The following CRACD variants were observed in gnomAD, a reference collection of about 807,000 sequenced individuals.
The protein encoded by CRACD is capping protein inhibiting regulator of actin dynamics.
A neutral mutation model predicts 106.8 loss-of-function variants in CRACD; 56 were observed. The observed-to-expected ratio is 0.52, with a 90% CI of 0.42 to 0.66. CRACD has a LOEUF of 0.66. CRACD is among the 30% of genes least tolerant of loss of function. The probability of loss-of-function intolerance (pLI) is 0.00; values close to 1 mark genes in which losing one functional copy is unlikely to be tolerated. For missense variants in CRACD, 1,730 were observed against 1,623.2 expected, an observed-to-expected ratio of 1.07 and a Z score of -1.13; for synonymous variants, 754 against 670.8, an observed-to-expected ratio of 1.12 and a Z score of -1.92.
At chr4:56,283,765 T>C (rs548930838) in intron 3 of CRACD, among the ~76,000 whole-genome samples, 1 of 152,332 alleles carries the variant, frequency 6.6e-6, no homozygotes, top group East Asian at 1.9e-4. Flanking sequence ...GAGCCTCAAC[T>C]GTACTTCTAG....
intron 3 of CRACD, among the ~76,000 whole-genome samples, chr4:56,293,387 C>A (rs1317276017): frequency 6.6e-6 from 1 of 152,156 alleles, no homozygotes; most frequent in Non-Finnish European, 1.5e-5. Flanking sequence ...GAAGCTCACA[C>A]CCTGCTACAC....
At chr4:56,288,851 A>G (rs1743532102) in intron 3 of CRACD, among the ~76,000 whole-genome samples, 1 of 152,236 alleles carries the variant, frequency 6.6e-6, no homozygotes, top group African/African-American at 2.4e-5. Flanking sequence ...GCTACTTACA[A>G]TAGCCAAAAA....
At position 56,094,091 on chromosome 4, in the gene CRACD, A is replaced by G. The variant is rs141959073; in HGVS notation, c.-336+44792A>G. The stretch of plus-strand genomic sequence containing the variant: ...AATTCAAGTCATATTGATTGAGTCC[A>G]ATGTTAGAAAAAATGTTTTACTGTT... On this transcript the variant is annotated intron_variant, in intron 1 of 10. Transcript: ENST00000682029. Among the ~76,000 whole-genome samples, 340 of 152,364 alleles carry G rather than the reference A, an allele frequency of 2.2e-3. 1 individual carries two copies. Among genetic ancestry groups the G allele is most frequent in the Middle Eastern group, 0.01 (3 of 294 alleles).
intron 1 of CRACD, among the ~76,000 whole-genome samples, chr4:56,081,871 G>A (rs1260392653): frequency 6.6e-6 from 1 of 152,136 alleles, no homozygotes; most frequent in Non-Finnish European, 1.5e-5. Flanking sequence ...AGCTACTTGG[G>A]AGGCTGAGGC....
At chr4:56,274,989 A>T (rs768210338) in intron 3 of CRACD, among the ~76,000 whole-genome samples, 1 of 152,222 alleles carries the variant, frequency 6.6e-6, no homozygotes, top group Non-Finnish European at 1.5e-5. Context: ...AGGAACATGG[A>T]TGGAGCTGGA....
Position 56,324,462 on chromosome 4 carries a change from A to G in CRACD, c.3541+196A>G, listed in dbSNP as rs544016727. 2.6e-5 allele frequency among the ~76,000 whole-genome samples: 4 copies of G among 152,318 alleles called. No homozygotes were observed. In the East Asian group the frequency reaches 5.8e-4, roughly 22 times the overall value. On this transcript the variant is annotated intron_variant, in intron 10 of 10. Transcript: ENST00000682029. ...GACCACCAGGAGCTCACCCACTATCAGTGGTGTGTTGGTGAATATTTAACA... is the reference window on the plus strand; with the variant it reads ...GACCACCAGGAGCTCACCCACTATCGGTGGTGTGTTGGTGAATATTTAACA...
chr4:56,309,624 T>C (rs1744992379), intron 5 of CRACD, among the ~76,000 whole-genome samples: 1 of 151,904 alleles, frequency 6.6e-6, no homozygotes, highest in Admixed American at 6.6e-5. Flanking sequence ...GAGGCCGAGG[T>C]GGGCGGGTCA....
At chr4:56,168,663 C>CTA (rs968630957) in intron 1 of CRACD, among the ~76,000 whole-genome samples, 36 of 148,864 alleles carry the variant, frequency 2.4e-4, no homozygotes, top group Non-Finnish European at 4.5e-4. Context: ...GCATATTCAA[C>CTA]TATATATATA....
intron 3 of CRACD, among the ~76,000 whole-genome samples, chr4:56,296,988 T>G (rs954157497): frequency 4.0e-5 from 6 of 151,636 alleles, no homozygotes; most frequent in Non-Finnish European, 8.8e-5. Context: ...GGCGCAATCT[T>G]GGCTCACTGC....
chr4:56,152,559 T>C (rs28651699), intron 1 of CRACD, among the ~76,000 whole-genome samples: 43,566 of 151,646 alleles, frequency 0.29, 6,529 homozygotes, highest in South Asian at 0.33. Context: ...AGAATCTCTC[T>C]TTCTCTCTTT....
At chr4:56,261,682 C>T (rs6554340) in intron 2 of CRACD, among the ~76,000 whole-genome samples, 1 of 151,822 alleles carries the variant, frequency 6.6e-6, no homozygotes, top group African/African-American at 2.4e-5. Flanking sequence ...TATTTTATTT[C>T]TCCTGTGAAC....
chr4:56,145,759 A>C (rs1735357066), intron 1 of CRACD, among the ~76,000 whole-genome samples: 1 of 151,958 alleles, frequency 6.6e-6, no homozygotes, highest in South Asian at 2.1e-4. Flanking sequence ...TGGGACTAGA[A>C]GTGTGTGACT....
At chr4:56,201,706 A>G (rs1462736467) in intron 2 of CRACD, among the ~76,000 whole-genome samples, 2 of 152,340 alleles carry the variant, frequency 1.3e-5, no homozygotes, top group East Asian at 3.9e-4. Flanking sequence ...TTTCAAGTCC[A>G]TAGAAACAAT....
At chr4:56,199,695 A>AG (rs1334584502) in intron 2 of CRACD, among the ~76,000 whole-genome samples, 7 of 115,774 alleles carry the variant, frequency 6.0e-5, no homozygotes, top group Admixed American at 1.8e-4. Context: ...AAAAAAAAAG[A>AG]AAAGAAAAAA....
intron 1 of CRACD, among the ~76,000 whole-genome samples, chr4:56,082,079 G>A (rs1056431621): frequency 1.6e-4 from 25 of 152,210 alleles, no homozygotes; most frequent in African/African-American, 6.0e-4. Context: ...ATATTTGATA[G>A]TGGCTCTGCA....
At chr4:56,278,967 C>T (rs971133864) in intron 3 of CRACD, among the ~76,000 whole-genome samples, 46 of 152,072 alleles carry the variant, frequency 3.0e-4, no homozygotes, top group Non-Finnish European at 7.4e-5. Context: ...ATTAGGAAGG[C>T]TACAGGCAAA....
chr4:56,196,882 T>G (rs1737637208), intron 2 of CRACD, among the ~76,000 whole-genome samples: 1 of 151,828 alleles, frequency 6.6e-6, no homozygotes, highest in African/African-American at 2.4e-5. Flanking sequence ...AGGGACAGAC[T>G]GTTGTATATT....
chr4:56,089,758 C>A (rs1733356272), intron 1 of CRACD, among the ~76,000 whole-genome samples: 1 of 152,088 alleles, frequency 6.6e-6, no homozygotes, highest in Non-Finnish European at 1.5e-5. Flanking sequence ...GGTGACCCAC[C>A]TGCCTTGTTC....
intron 3 of CRACD, among the ~76,000 whole-genome samples, chr4:56,287,092 C>A (rs1743413542): frequency 6.6e-6 from 1 of 152,106 alleles, no homozygotes; most frequent in African/African-American, 2.4e-5. Context: ...CCAAAGTGAG[C>A]CTGACAGTAC....
Sources: allele counts gnomAD v4.1 joint callset (sites outside exome capture counted in the v4.1 genomes callset), GRCh38; gene constraint gnomAD v4.1.1; transcripts MANE v1.5; gene names NCBI Gene and HGNC (gene_info 2026-07-23, HGNC 2026-07-21).